The following NIM1K variants were observed in gnomAD, a reference collection of about 807,000 sequenced individuals.
NIM1K encodes the protein serine/threonine-protein kinase NIM1.
A neutral mutation model predicts 37.1 loss-of-function variants in NIM1K; 35 were observed. That is an observed-to-expected ratio of 0.94 (90% CI 0.72 to 1.25). The LOEUF is 1.25. Ranked by LOEUF, NIM1K falls within the 50% of genes most tolerant of loss-of-function variation. NIM1K has a pLI of 0.00. For missense variants in NIM1K, 564 were observed against 548.0 expected (o/e 1.03, Z -0.29); for synonymous variants, 234 against 206.6 (o/e 1.13, Z -1.14).
intron 2 of NIM1K, 37 bp from the exon 3 acceptor site, chr5:43,277,020 T>G (rs1300233545): frequency 6.2e-7 from 1 of 1,606,276 alleles, no homozygotes; most frequent in Non-Finnish European, 8.5e-7. Flanking sequence ...TATGCTCCTG[T>G]GAATTCTGGC....
chr5:43,223,138 C>CA (rs35802290), intron 1 of NIM1K, among the ~76,000 whole-genome samples: 8 of 85,810 alleles, frequency 9.3e-5, no homozygotes, highest in East Asian at 3.2e-4. Context: ...GACTCCATCT[C>CA]AAAAAAAAAA....
intron 2 of NIM1K, among the ~76,000 whole-genome samples, chr5:43,271,542 C>T (rs1348373607): frequency 1.3e-5 from 2 of 152,098 alleles, no homozygotes; most frequent in African/African-American, 4.8e-5. Flanking sequence ...TATGCACATG[C>T]AGTTGTAAGA....
intron 1 of NIM1K, chr5:43,225,474 G>A (rs1478154949): frequency 6.6e-6 from 1 of 152,080 alleles, no homozygotes; most frequent in Non-Finnish European, 1.5e-5. Flanking sequence ...AAAGTCCCAT[G>A]TTTCACATGC....
intron 1 of NIM1K, among the ~76,000 whole-genome samples, chr5:43,198,147 CTT>C (rs1216387495): frequency 4.3e-5 from 2 of 46,060 alleles, no homozygotes; most frequent in African/African-American, 1.5e-4. Context: ...TTCTTTCTTT[CTT>C]TCTTTCTTTC....
intron 1 of NIM1K, among the ~76,000 whole-genome samples, chr5:43,235,630 A>G (rs1057417095): frequency 3.9e-5 from 6 of 152,250 alleles, no homozygotes; most frequent in African/African-American, 1.4e-4. Context: ...GGTTAGAGTC[A>G]TAAGGAAAAT....
intron 2 of NIM1K, among the ~76,000 whole-genome samples, chr5:43,260,927 A>G (rs1480045564): frequency 2.0e-5 from 3 of 152,198 alleles, no homozygotes; most frequent in African/African-American, 7.2e-5. Context: ...ATGTCCCTGC[A>G]AAGGACATGA....
intron 2 of NIM1K, among the ~76,000 whole-genome samples, chr5:43,255,406 C>CA (rs1002725210): frequency 5.3e-5 from 8 of 152,048 alleles, no homozygotes; most frequent in Non-Finnish European, 4.4e-5. Flanking sequence ...GGAAGCCAGA[C>CA]AAAAATAAAT....
At chr5:43,235,192 T>C (rs1752604052) in intron 1 of NIM1K, among the ~76,000 whole-genome samples, 1 of 152,216 alleles carries the variant, frequency 6.6e-6, no homozygotes, top group African/African-American at 2.4e-5. Context: ...TTCAGTGCTA[T>C]TTTAAAACAA....
At chr5:43,261,317 G>A (rs1182741569) in intron 2 of NIM1K, among the ~76,000 whole-genome samples, 1 of 152,128 alleles carries the variant, frequency 6.6e-6, no homozygotes, top group African/African-American at 2.4e-5. Flanking sequence ...GTATGAGATG[G>A]TATTTCATTG....
chr5:43,217,632 G>A (rs1349991038), intron 1 of NIM1K, among the ~76,000 whole-genome samples: 2 of 151,544 alleles, frequency 1.3e-5, no homozygotes, highest in African/African-American at 2.4e-5. Context: ...GGATAATGAT[G>A]CTGAACATCC....
At chr5:43,240,959 CAT>C (rs1287560229) in intron 1 of NIM1K, among the ~76,000 whole-genome samples, 1 of 151,986 alleles carries the variant, frequency 6.6e-6, no homozygotes, top group South Asian at 2.1e-4. Context: ...CATCTTTGCA[CAT>C]GTGTGCAAAG....
At chr5:43,207,033 T>A in intron 1 of NIM1K, 1 of 737,210 alleles carries the variant, frequency 1.4e-6, no homozygotes, top group East Asian at 2.5e-5. Flanking sequence ...CCACCTAAGT[T>A]CGAGGAGGAG....
rs868783878 is a variant in NIM1K, at chr5:43,213,193, C to A, written c.-695+20782C>A. ...TCTTTCTTTCTTTCTTTCTTTCTTT[C>A]TTTCTTTCTTTCTTTCTTTCTTTCT... On this transcript the variant is annotated intron_variant, in intron 1 of 3. Transcript: ENST00000326035. 3.7e-5 allele frequency among the ~76,000 whole-genome samples: 2 copies of A among 54,728 alleles called. 1 individual carries two copies. Among genetic ancestry groups the A allele is most frequent in the Non-Finnish European group, 9.7e-5 (2 of 20,642 alleles). 35.9% of individuals were successfully genotyped at this position (54,728 alleles called of 152,430 possible).
At chr5:43,257,921 C>T (rs2112279566) in intron 2 of NIM1K, among the ~76,000 whole-genome samples, 1 of 152,058 alleles carries the variant, frequency 6.6e-6, no homozygotes, top group East Asian at 1.9e-4. Context: ...CCAAAAAAAC[C>T]ACACACATAT....
intron 2 of NIM1K, among the ~76,000 whole-genome samples, chr5:43,265,859 C>T (rs1397682961): frequency 6.6e-6 from 1 of 152,242 alleles, no homozygotes; most frequent in Admixed American, 6.5e-5. Flanking sequence ...GGACCCTCAG[C>T]TGCAGGTCTG....
intron 1 of NIM1K, among the ~76,000 whole-genome samples, chr5:43,192,617 G>T (rs1458677534): frequency 6.6e-6 from 1 of 152,228 alleles, no homozygotes; most frequent in East Asian, 1.9e-4. Context: ...ACCTGCCCAG[G>T]CCGATCCGCA....
In NIM1K at chr5:43,223,662, G is replaced by A. The variant is rs147786846; in HGVS notation, c.-694-21420G>A. On this transcript the variant is annotated intron_variant, in intron 1 of 3. Transcript: ENST00000326035. ...TAAATGATTACCATGGCAAAGAGCTGTTTTCTGCCTTTGAAAAATCAGCTT... is the reference window on the plus strand; with the variant it reads ...TAAATGATTACCATGGCAAAGAGCTATTTTCTGCCTTTGAAAAATCAGCTT... Among the ~76,000 whole-genome samples, 344 of 152,016 alleles carry A rather than the reference G, an allele frequency of 2.3e-3. 2 individuals carry two copies. Among genetic ancestry groups the A allele is most frequent in the Non-Finnish European group, 4.2e-3 (285 of 67,836 alleles).
chr5:43,213,511 T>A (rs548222558), intron 1 of NIM1K, among the ~76,000 whole-genome samples: 1 of 151,226 alleles, frequency 6.6e-6, no homozygotes, highest in East Asian at 1.9e-4. Context: ...TTTTTCTTTT[T>A]GAGACGGAGT....
intron 2 of NIM1K, among the ~76,000 whole-genome samples, chr5:43,261,243 C>T (rs1291772660): frequency 6.6e-6 from 1 of 152,152 alleles, no homozygotes; most frequent in Non-Finnish European, 1.5e-5. Context: ...TAAAAGTGTT[C>T]CTATTTATCC....
Sources: gnomAD v4.1 joint callset for allele counts (sites outside exome capture counted in the v4.1 genomes callset) on GRCh38, gnomAD v4.1.1 for gene constraint, MANE v1.5 for transcripts, NCBI Gene and HGNC (gene_info 2026-07-23, HGNC 2026-07-21) for gene names.